PALM2AKAP2: variants seen among roughly 807,000 people sequenced by gnomAD.
The protein encoded by PALM2AKAP2 is PALM2-AKAP2 fusion protein.
PALM2AKAP2 carries 37 observed loss-of-function variants against 71.5 expected under a neutral mutation model. That is an observed-to-expected ratio of 0.52 (90% CI 0.40 to 0.68). The LOEUF (loss-of-function observed/expected upper bound fraction) is 0.68, where lower values mean the gene tolerates loss of function less well. Among genes scored for constraint, PALM2AKAP2 ranks in the 30% least tolerant of loss-of-function variants. PALM2AKAP2 has a pLI of 0.00. For missense variants in PALM2AKAP2, 1,224 were observed against 1,191.8 expected (o/e 1.03, Z -0.40); for synonymous variants, 468 against 478.8 (o/e 0.98, Z 0.29).
chr9:109,859,004 G>A (rs1587965491), intron 1 of PALM2AKAP2, among the ~76,000 whole-genome samples: 1 of 152,148 alleles, frequency 6.6e-6, no homozygotes, highest in Admixed American at 6.5e-5. Context: ...ACCCTAAATG[G>A]AAACTCTGCT....
At chr9:110,007,174 C>T (rs559080261) in intron 6 of PALM2AKAP2, among the ~76,000 whole-genome samples, 8 of 152,250 alleles carry the variant, frequency 5.3e-5, no homozygotes, top group South Asian at 4.1e-4. Flanking sequence ...CAGAGAAAAG[C>T]CAGGAGAATT....
chr9:110,029,138 A>G (rs1411585076), intron 7 of PALM2AKAP2, among the ~76,000 whole-genome samples: 1 of 152,126 alleles, frequency 6.6e-6, no homozygotes, highest in African/African-American at 2.4e-5. Flanking sequence ...TGGTTTCTCT[A>G]TGAAGTGAAA....
chr9:109,949,447 T>C (rs536993734), intron 6 of PALM2AKAP2, among the ~76,000 whole-genome samples: 1 of 152,360 alleles, frequency 6.6e-6, no homozygotes, highest in Non-Finnish European at 1.5e-5. Context: ...GGAGTGGCTG[T>C]AGAAATGGAA....
upstream of PALM2AKAP2, among the ~76,000 whole-genome samples, chr9:110,046,748 G>A (rs1040894961): frequency 5.9e-5 from 9 of 152,254 alleles, no homozygotes; most frequent in East Asian, 1.9e-4. Context: ...GATTACAGGC[G>A]TGAGCCACTT....
Position 110,111,350 on chromosome 9 carries a change from C to T in PALM2AKAP2, c.157-24777C>T, listed in dbSNP as rs566778863. 2.4e-4 allele frequency among the ~76,000 whole-genome samples: 36 copies of T among 152,174 alleles called. No homozygotes were observed. The South Asian group carries it at 7.5e-3, about 32-fold the overall frequency. ...TCAAGTAATCCTCCTGCTTTGGCCT[C>T]CCAAAGTGCTGGAAATATAGGCATA... On this transcript the variant is annotated intron_variant, in intron 1 of 3. Transcript: ENST00000374525.
rs368616756 is a variant in PALM2AKAP2 at position 110,037,304 on chromosome 9, T to C, written c.582+21265T>C. On this transcript the variant is annotated intron_variant, in intron 7 of 9. Coordinates refer to the PALM2AKAP2 transcript ENST00000302798. ...CAACCACAACCTCTGCCTCCTGGGT[T>C]CAAGCAATTCTCCTGCCTCAGCCTC... 1.5e-3 allele frequency among the ~76,000 whole-genome samples: 234 copies of C among 152,276 alleles called. 5 individuals carry two copies. In the South Asian group the frequency reaches 0.046, roughly 30 times the overall value.
Position 109,996,266 on chromosome 9 carries a change from G to A in PALM2AKAP2, c.497-19688G>A, listed in dbSNP as rs575901413. Among the ~76,000 whole-genome samples, 7 of 152,352 alleles carry A rather than the reference G, an allele frequency of 4.6e-5. No homozygotes were observed. The East Asian group carries it at 1.3e-3, about 29-fold the overall frequency. On this transcript the variant is annotated intron_variant, in intron 6 of 9. Coordinates refer to the PALM2AKAP2 transcript ENST00000302798. The stretch of plus-strand genomic sequence containing the variant: ...AAACTTAATCATTAGAGTATGTGGA[G>A]AATATAACAGGATCTTTTATTGGAC...
intron 1 of PALM2AKAP2, among the ~76,000 whole-genome samples, chr9:110,067,333 A>G (rs1407471566): frequency 6.6e-6 from 1 of 152,228 alleles, no homozygotes; most frequent in Non-Finnish European, 1.5e-5. Flanking sequence ...TGAAATTGAA[A>G]AGGTTTGCTG....
intron 6 of PALM2AKAP2, among the ~76,000 whole-genome samples, chr9:109,987,189 G>A (rs572845635): frequency 7.2e-5 from 11 of 152,052 alleles, no homozygotes; most frequent in Non-Finnish European, 1.5e-4. Context: ...GGAGTACATT[G>A]GCATGGTCTC....
intron 6 of PALM2AKAP2, among the ~76,000 whole-genome samples, chr9:109,974,789 A>C (rs964554869): frequency 3.3e-5 from 5 of 152,160 alleles, no homozygotes; most frequent in African/African-American, 1.2e-4. Flanking sequence ...CCTCAAACAG[A>C]GATGGCATGT....
At chr9:109,867,252 G>T in intron 1 of PALM2AKAP2, 1 of 433,516 alleles carries the variant, frequency 2.3e-6, no homozygotes, top group Non-Finnish European at 4.4e-6. Context: ...TTAAATTCTT[G>T]CAGCCTGGCT....
intron 7 of PALM2AKAP2, among the ~76,000 whole-genome samples, chr9:110,034,804 C>G (rs1833351935): frequency 1.3e-5 from 2 of 151,572 alleles, no homozygotes; most frequent in South Asian, 4.2e-4. Flanking sequence ...GGGGTTTCAC[C>G]ATGTTGGCCA....
In PALM2AKAP2 at chr9:110,168,619, T is replaced by C. The variant is rs146204054; in HGVS notation, c.*122T>C. On this transcript the variant is annotated 3_prime_UTR_variant, in exon 4 of 4. Coordinates refer to ENST00000374525, the Ensembl canonical transcript of PALM2AKAP2. ...GCAAACAAACTCAGCAATCCTTATGTAGACCAGAAGCTGCAATATACAATG... is the reference window on the plus strand; with the variant it reads ...GCAAACAAACTCAGCAATCCTTATGCAGACCAGAAGCTGCAATATACAATG... 1.5e-3 allele frequency: 1,757 copies of C among 1,175,222 alleles called. 3 individuals carry two copies. Among genetic ancestry groups the C allele is most frequent in the Admixed American group, 2.9e-3 (106 of 35,958 alleles). The allele number at this position is 1,175,222 out of a possible 1,614,324, so 72.8% of individuals were successfully genotyped here.
At chr9:110,001,728 A>C (rs1476945811) in intron 6 of PALM2AKAP2, among the ~76,000 whole-genome samples, 1 of 152,158 alleles carries the variant, frequency 6.6e-6, no homozygotes, top group Non-Finnish European at 1.5e-5. Context: ...GAGGTCCTTC[A>C]TGTCCCTTGT....
chr9:110,028,551 T>C (rs976371929), intron 7 of PALM2AKAP2, among the ~76,000 whole-genome samples: 2 of 152,158 alleles, frequency 1.3e-5, no homozygotes, highest in Non-Finnish European at 2.9e-5. Flanking sequence ...GTAAAGTAAC[T>C]TACCCAAGAT....
chr9:110,163,710 C>T (rs942557499), intron 3 of PALM2AKAP2, among the ~76,000 whole-genome samples: 2 of 152,266 alleles, frequency 1.3e-5, no homozygotes, highest in African/African-American at 4.8e-5. Context: ...ATCACTGTGG[C>T]TCTGGTTCAT....
chr9:110,003,382 C>G (rs1236093535), intron 6 of PALM2AKAP2, among the ~76,000 whole-genome samples: 1 of 152,164 alleles, frequency 6.6e-6, no homozygotes, highest in Non-Finnish European at 1.5e-5. Flanking sequence ...TTTGATTGCA[C>G]TGTGGTCTGA....
At chr9:109,992,982 A>G (rs567878083) in intron 6 of PALM2AKAP2, among the ~76,000 whole-genome samples, 1 of 150,996 alleles carries the variant, frequency 6.6e-6, no homozygotes, top group South Asian at 2.1e-4. Flanking sequence ...GAGAGAGCAG[A>G]GAGAGTTTAT....
intron 1 of PALM2AKAP2, among the ~76,000 whole-genome samples, chr9:109,800,290 A>G (rs533528531): frequency 6.6e-6 from 1 of 152,374 alleles, no homozygotes; most frequent in Admixed American, 6.5e-5. Context: ...TAGGTACTTA[A>G]TATATACTAC....
Sources: allele counts gnomAD v4.1 joint callset (sites outside exome capture counted in the v4.1 genomes callset), GRCh38; gene constraint gnomAD v4.1.1; transcripts MANE v1.5; gene names NCBI Gene and HGNC (gene_info 2026-07-23, HGNC 2026-07-21).